The following SPAG1 variants were observed in gnomAD, a reference collection of about 807,000 sequenced individuals.
SPAG1 encodes sperm associated antigen 1.
SPAG1 carries 69 observed loss-of-function variants against 100.5 expected under a neutral mutation model. That is an observed-to-expected ratio of 0.69 (90% CI 0.57 to 0.84). The LOEUF is 0.84. Ranked by LOEUF, SPAG1 falls within the 40% of genes least tolerant of loss-of-function variation. The pLI is 0.00. For missense variants in SPAG1, 955 were observed against 1,133.1 expected (o/e 0.84, Z 2.26); for synonymous variants, 336 against 411.6 (o/e 0.82, Z 2.22).
At chr8:100,164,488 G>A (rs936110576) in intron 2 of SPAG1, among the ~76,000 whole-genome samples, 97 of 152,136 alleles carry the variant, frequency 6.4e-4, no homozygotes, top group African/African-American at 2.3e-3. Flanking sequence ...GCAGTGGTGC[G>A]ATCTCGGTTC....
chr8:100,225,346 G>A lies in SPAG1; in HGVS notation c.1855+7G>A, dbSNP rs1240346143. 8.1e-6 allele frequency: 13 copies of A among 1,612,424 alleles called. 1 individual carries two copies. In the South Asian group the frequency reaches 8.8e-5, roughly 11 times the overall value. ...CGCCAGCAGGGCATCACAGGTGGGG[G>A]ATGCCTGCACTCATTTCTTCTCAAG... On this transcript the variant is annotated splice_region_variant and intron_variant, in intron 14 of 18. Transcript: ENST00000388798.
intron 15 of SPAG1, among the ~76,000 whole-genome samples, chr8:100,232,844 T>C (rs188791595): frequency 3.0e-3 from 454 of 152,336 alleles, no homozygotes; most frequent in African/African-American, 9.7e-3. Flanking sequence ...CTGGCCTGCC[T>C]GCTCTTCCAG....
At chr8:100,161,047 G>C (rs1815284542) in intron 1 of SPAG1, among the ~76,000 whole-genome samples, 1 of 152,004 alleles carries the variant, frequency 6.6e-6, no homozygotes, top group Non-Finnish European at 1.5e-5. Context: ...TTCTACAGAA[G>C]TACCTAGAAG....
chr8:100,222,723 G>T (rs1356808873), intron 13 of SPAG1, among the ~76,000 whole-genome samples: 1 of 152,186 alleles, frequency 6.6e-6, no homozygotes, highest in Middle Eastern at 3.2e-3. Context: ...GAGAGAACAT[G>T]ATTACTGACA....
chr8:100,172,634 A>ATGTGTGTGTGTGTGTG (rs60155004), intron 3 of SPAG1, among the ~76,000 whole-genome samples: 6 of 145,462 alleles, frequency 4.1e-5, no homozygotes, highest in Middle Eastern at 3.3e-3. Flanking sequence ...AAAGAAATAT[A>ATGTGTGTGTGTGTGTG]TGTGTGTGTG....
rs1454614707 is a variant in SPAG1, at chr8:100,188,025, G to A, written c.832+775G>A. 2.6e-5 allele frequency among the ~76,000 whole-genome samples: 4 copies of A among 152,024 alleles called. No individual in the cohort carries two copies. The South Asian group carries it at 6.2e-4, about 24-fold the overall frequency. ...GCACCACCACGCCTGACTAATTGTT[G>A]TATTTTTAGTAGAGAGACGGGGTTT... is the stretch of plus-strand genomic sequence containing the variant. On this transcript the variant is annotated intron_variant, in intron 8 of 18. Coordinates refer to ENST00000388798, the MANE Select transcript of SPAG1 (RefSeq NM_003114.5).
At chr8:100,163,687 A>T (rs1815419582) in intron 2 of SPAG1, among the ~76,000 whole-genome samples, 1 of 151,364 alleles carries the variant, frequency 6.6e-6, no homozygotes. Flanking sequence ...CTCTTTCATC[A>T]CCTTTAGCTT....
At position 100,220,422 on chromosome 8, in the gene SPAG1, G is replaced by A. The variant is rs772718898; in HGVS notation, c.1679G>A (p.Ser560Asn). The A allele has an allele frequency of 3.7e-6, 6 of 1,608,844 alleles. No individual in the cohort carries two copies. Among genetic ancestry groups the A allele is most frequent in the Non-Finnish European group, 5.1e-6 (6 of 1,178,508 alleles). ...IDCGLQLAND[S>N]VNRLSRILME... Reference sequence around the variant, plus strand: ...TGTGGACTCCAGCTAGCAAATGACAGTGTTAACAGGTAATTAATCTGAGGC... The same window carrying A: ...TGTGGACTCCAGCTAGCAAATGACAATGTTAACAGGTAATTAATCTGAGGC... Residue 560 changes from serine (S) to asparagine (N), a missense_variant, in exon 13 of 19, where the codon AGT (serine) becomes AAT (asparagine). Transcript: ENST00000388798.
At chr8:100,166,110 T>C in intron 3 of SPAG1, 137 bp downstream of exon 3, 1 of 689,284 alleles carries the variant, frequency 1.5e-6, no homozygotes, top group Non-Finnish European at 2.4e-6. Flanking sequence ...GGTTGCTTTT[T>C]ACACCCAGGG....
In SPAG1 at chr8:100,177,534, T is replaced by C. The variant is rs192476726; in HGVS notation, c.301-282T>C. 2.7e-3 allele frequency among the ~76,000 whole-genome samples: 406 copies of C among 152,324 alleles called. 1 individual carries two copies. Among genetic ancestry groups the C allele is most frequent in the African/African-American group, 8.6e-3 (359 of 41,578 alleles). On this transcript the variant is annotated intron_variant, in intron 3 of 18. Transcript: ENST00000388798. ...CTTTTTATAACTTGTGTATACTTTA[T>C]GGTAGTAAATGATAAAACAGACTAG... is the stretch of plus-strand genomic sequence containing the variant.
chr8:100,209,616 TTAA>T (rs1409880850), intron 10 of SPAG1, among the ~76,000 whole-genome samples: 2 of 116,350 alleles, frequency 1.7e-5, no homozygotes, highest in African/African-American at 8.1e-5. Context: ...CATTTTAACC[TTAA>T]TAACAATAAG....
rs1237348989 is a variant in SPAG1, at chr8:100,176,947, CT to C, written c.301-862del. Among the ~76,000 whole-genome samples, 4 of 144,772 alleles carry C rather than the reference CT, an allele frequency of 2.8e-5. 1 individual carries two copies. The highest frequency in any genetic ancestry group is 7.1e-5 in the Admixed American group (1 of 14,076). The allele number at this position is 144,772 out of a possible 152,430, so 95.0% of individuals were successfully genotyped here. A position where few individuals can be genotyped will look rare whatever the true frequency, so the allele number is the denominator to read the frequency against. Reference sequence around the variant, plus strand: ...CCTTTCCTCTCCCTCTCCTCTCCTTCTTTTTTTCGTTTCTTTCTTTTTTTTC... The same window carrying C: ...CCTTTCCTCTCCCTCTCCTCTCCTTCTTTTTTCGTTTCTTTCTTTTTTTTC... On this transcript the variant is annotated intron_variant, in intron 3 of 18. Coordinates refer to ENST00000388798, the MANE Select transcript of SPAG1 (RefSeq NM_003114.5).
intron 14 of SPAG1, among the ~76,000 whole-genome samples, chr8:100,225,649 G>A (rs1356534936): frequency 6.6e-6 from 1 of 150,782 alleles, no homozygotes; most frequent in Non-Finnish European, 1.5e-5. Flanking sequence ...TTTTTTGTTT[G>A]TCTTTAGTAG....
intron 1 of SPAG1, among the ~76,000 whole-genome samples, chr8:100,160,281 A>G (rs1815249471): frequency 1.3e-5 from 2 of 152,194 alleles, no homozygotes; most frequent in South Asian, 2.1e-4. Flanking sequence ...AAGTTCTTTC[A>G]CAAACTAGAA....
At chr8:100,162,965 A>T (rs557420220) in intron 2 of SPAG1, among the ~76,000 whole-genome samples, 1 of 151,836 alleles carries the variant, frequency 6.6e-6, no homozygotes, top group South Asian at 2.1e-4. Context: ...AAAAAAATAA[A>T]AAATAATAAT....
At chr8:100,191,725 T>C (rs752101665) in intron 9 of SPAG1, among the ~76,000 whole-genome samples, 2 of 152,200 alleles carry the variant, frequency 1.3e-5, no homozygotes, top group Non-Finnish European at 2.9e-5. Context: ...AAGACAAATA[T>C]CAATTTTTCT....
chr8:100,229,076 A>G (rs1308226349), intron 14 of SPAG1, among the ~76,000 whole-genome samples: 1 of 152,224 alleles, frequency 6.6e-6, no homozygotes, highest in Non-Finnish European at 1.5e-5. Context: ...ATCAGTGTCC[A>G]AAGAGAGAGA....
intron 12 of SPAG1, among the ~76,000 whole-genome samples, chr8:100,217,036 A>G (rs1405923365): frequency 6.8e-6 from 1 of 147,864 alleles, no homozygotes; most frequent in Non-Finnish European, 1.5e-5. Context: ...TCCCAGGTTC[A>G]AGTGATTCTC....
At chr8:100,203,646 A>G (rs894713411) in intron 10 of SPAG1, among the ~76,000 whole-genome samples, 3 of 152,156 alleles carry the variant, frequency 2.0e-5, no homozygotes, top group African/African-American at 7.2e-5. Context: ...AGTACCTTTG[A>G]CCATATGTGG....
Sources: gnomAD v4.1 joint callset for allele counts (sites outside exome capture counted in the v4.1 genomes callset) on GRCh38, gnomAD v4.1.1 for gene constraint, MANE v1.5 for transcripts, NCBI Gene and HGNC (gene_info 2026-07-23, HGNC 2026-07-21) for gene names.